Variants in PCDHGB2 observed in about 807,000 individuals in gnomAD.
PCDHGB2 encodes protocadherin gamma subfamily B, 2.
PCDHGB2 carries 55 observed loss-of-function variants against 59.3 expected under a neutral mutation model. The observed-to-expected ratio is 0.93, with a 90% CI of 0.75 to 1.16. The LOEUF is 1.16. PCDHGB2 is among the 50% of genes most tolerant of loss of function. The pLI is 0.00. For missense variants in PCDHGB2, 1,228 were observed against 1,198.5 expected, an observed-to-expected ratio of 1.02 and a Z score of -0.36; for synonymous variants, 516 against 512.0, an observed-to-expected ratio of 1.01 and a Z score of -0.11.
chr5:141,463,500 G>A (rs866521006), intron 1 of PCDHGB2, among the ~76,000 whole-genome samples: 30 of 139,838 alleles, frequency 2.1e-4, no homozygotes, highest in African/African-American at 7.0e-4. Context: ...CCAGGCTGGA[G>A]TGACGTGGCG....
At chr5:141,475,988 A>C (rs1197163866) in intron 1 of PCDHGB2, 29 of 1,114,786 alleles carry the variant, frequency 2.6e-5, no homozygotes, top group Non-Finnish European at 3.2e-5. Context: ...GCCGGCGAGC[A>C]AATCAACGGC....
At position 141,362,518 on chromosome 5, in the gene PCDHGB2, G is replaced by A. The variant is rs914330317; in HGVS notation, c.2383G>A (p.Ala795Thr). 3.7e-6 allele frequency: 6 copies of A among 1,613,886 alleles called. No individual in the cohort carries two copies. In the East Asian group the frequency reaches 1.1e-4, roughly 30 times the overall value. ...ASWEQNTNHG[A>T]AGVPFASDTI... ...TTGGGAACAAAATACAAATCATGGAGCCGCTGGGGTCCCTTTTGCCTCAGA... is the reference window on the plus strand; with the variant it reads ...TTGGGAACAAAATACAAATCATGGAACCGCTGGGGTCCCTTTTGCCTCAGA... The change falls in exon 1 of 4, where the codon GCC becomes ACC. Residue 795 changes from alanine to threonine, a missense_variant. By Grantham distance (58) the Ala-to-Thr change is moderately conservative (BLOSUM62 0). This residue lies in a region of PCDHGB2 where 433 missense variants were observed against 441.8 expected (regional missense o/e 0.98). Transcript: ENST00000522605.
chr5:141,427,764 T>C (rs1239199764), intron 1 of PCDHGB2: 4 of 1,383,480 alleles, frequency 2.9e-6, no homozygotes, highest in Non-Finnish European at 4.1e-6. Context: ...TACCACTGAC[T>C]TGGAGCTGCG....
chr5:141,503,367 C>T (rs1038565489), intron 2 of PCDHGB2, among the ~76,000 whole-genome samples: 5 of 151,908 alleles, frequency 3.3e-5, no homozygotes, highest in African/African-American at 9.7e-5. Flanking sequence ...GAAGCGGAGG[C>T]AGGTGGATCA....
intron 1 of PCDHGB2, chr5:141,442,020 A>G (rs1461958612): frequency 4.6e-6 from 1 of 219,170 alleles, no homozygotes; most frequent in South Asian, 5.2e-5. Context: ...GATGGGCCAC[A>G]GGAAAGCGAC....
intron 1 of PCDHGB2, chr5:141,384,161 C>T (rs1476096646): frequency 1.2e-6 from 2 of 1,613,520 alleles, no homozygotes; most frequent in Non-Finnish European, 1.7e-6. Flanking sequence ...TATAACATCA[C>T]ACTGAAAGCC....
In PCDHGB2 at chr5:141,403,922, G is replaced by A. The variant is rs770450211; in HGVS notation, c.2421+41366G>A. ...TGAAATGGAAATACAAGCTGAAGAT[G>A]GTGGGGGATTGAAAGGGTGGACAAA... On this transcript the variant is annotated intron_variant, in intron 1 of 3. Transcript: ENST00000522605. 6.2e-6 allele frequency: 10 copies of A among 1,613,904 alleles called. No individual in the cohort carries two copies. The East Asian group carries it at 2.2e-4, about 36-fold the overall frequency.
rs1210809217 is a variant in PCDHGB2 at position 141,432,990 on chromosome 5, A to G, written c.2422-61817A>G. The G allele has an allele frequency of 6.2e-7, 1 of 1,614,152 alleles. No individual in the cohort carries two copies. The highest frequency in any genetic ancestry group is 1.7e-5 in the Admixed American group (1 of 60,022). ...CCGGCGTCGCACTTTGTGGGCGTGGACGGGGTGCAGGCTTTCCTGCAGACC... is the reference window on the plus strand; with the variant it reads ...CCGGCGTCGCACTTTGTGGGCGTGGGCGGGGTGCAGGCTTTCCTGCAGACC... On this transcript the variant is annotated intron_variant, in intron 1 of 3. Transcript: ENST00000522605. This position sits in a 1 kb window ranked among gnomAD's most constrained non-coding sequence, Gnocchi z 6.0.
chr5:141,424,036 C>A, intron 1 of PCDHGB2: 1 of 1,029,606 alleles, frequency 9.7e-7, no homozygotes, highest in Non-Finnish European at 1.2e-6. Context: ...CTTTTTATTT[C>A]CATTTCAATT....
chr5:141,472,980 C>CAAAAAAAAAAAAAAAAAAGAAAAAAAA (rs60579131), intron 1 of PCDHGB2, among the ~76,000 whole-genome samples: 1 of 86,106 alleles, frequency 1.2e-5, no homozygotes, highest in Non-Finnish European at 2.5e-5. Flanking sequence ...GAGTGAAACT[C>CAAAAAAAAAAAAAAAAAAGAAAAAAAA]AAAAAAAAAA....
chr5:141,392,779 T>C (rs757880986), intron 1 of PCDHGB2: 1 of 1,534,720 alleles, frequency 6.5e-7, no homozygotes, highest in African/African-American at 1.4e-5. Context: ...TTATGCACAG[T>C]GAAGATTCTG....
rs759346998 is a variant in PCDHGB2, at chr5:141,410,849, C to CTTTTTTTTTTTTTTTTTTTTTTTTTTTTT, written c.2421+48315_2421+48316insTTTTTTTTTTTTTTTTTTTTTTTTTTTTT. 5.4e-5 allele frequency: 7 copies of CTTTTTTTTTTTTTTTTTTTTTTTTTTTTT among 129,786 alleles called. 2 individuals carry two copies. The highest frequency in any genetic ancestry group is 3.0e-4 in the African/African-American group (5 of 16,598). 8.0% of individuals were successfully genotyped at this position (129,786 alleles called of 1,614,324 possible). A position where few individuals can be genotyped will look rare whatever the true frequency, so the allele number is the denominator to read the frequency against. ...CAGACTGAAGATATTTTGTCTTTGT[C>CTTTTTTTTTTTTTTTTTTTTTTTTTTTTT]TTTTTTTTTTTTTTTTTTTTTTGAG... On this transcript the variant is annotated intron_variant, in intron 1 of 3. Transcript: ENST00000522605.
At chr5:141,384,599 T>A (rs772846090) in intron 1 of PCDHGB2, 4 of 1,614,132 alleles carry the variant, frequency 2.5e-6, no homozygotes, top group Non-Finnish European at 2.5e-6. Flanking sequence ...TACCCGGCCC[T>A]CCCCACAGAT....
chr5:141,479,328 G>A (rs568506786), intron 1 of PCDHGB2: 1 of 152,654 alleles, frequency 6.6e-6, no homozygotes, highest in East Asian at 1.9e-4. Flanking sequence ...CAGACTCAGT[G>A]GTGTGCACCT....
At chr5:141,478,396 G>GT in intron 1 of PCDHGB2, 1 of 1,613,564 alleles carries the variant, frequency 6.2e-7, no homozygotes, top group Non-Finnish European at 8.5e-7. Flanking sequence ...ACCATCAGGT[G>GT]TATCTCACCA....
intron 1 of PCDHGB2, chr5:141,413,180 C>T: frequency 6.2e-7 from 1 of 1,602,612 alleles, no homozygotes; most frequent in Non-Finnish European, 8.5e-7. Flanking sequence ...ACTACAATGG[C>T]CGCTCAAAGG....
In PCDHGB2 at chr5:141,511,925, G is replaced by C. The variant is rs2099884008; in HGVS notation, c.*752G>C. 1 of 155,320 alleles carries C rather than the reference G, an allele frequency of 6.4e-6. No homozygotes were observed. Among genetic ancestry groups the C allele is most frequent in the Admixed American group, 6.3e-5 (1 of 15,924 alleles). 9.6% of individuals were successfully genotyped at this position (155,320 alleles called of 1,614,324 possible). A position where few individuals can be genotyped will look rare whatever the true frequency, so the allele number is the denominator to read the frequency against. ...CCTCAAACAAGAGACTCCACTGCAT[G>C]TTCCAAGACAGTATGGGGTGGTAAG... On this transcript the variant is annotated 3_prime_UTR_variant, in exon 4 of 4. Coordinates refer to ENST00000522605, the MANE Select transcript of PCDHGB2 (RefSeq NM_018923.3).
chr5:141,400,566 A>G (rs754437274), intron 1 of PCDHGB2: 94 of 1,612,572 alleles, frequency 5.8e-5, no homozygotes, highest in Non-Finnish European at 7.7e-5. Flanking sequence ...TACCCACCCA[A>G]TTTTCTGTAT....
At chr5:141,370,572 GA>G in intron 1 of PCDHGB2, 9 of 1,613,960 alleles carry the variant, frequency 5.6e-6, no homozygotes, top group Non-Finnish European at 7.6e-6. Context: ...TGGCGTGGGG[GA>G]TTTACCTACT....
Sources: allele counts gnomAD v4.1 joint callset (sites outside exome capture counted in the v4.1 genomes callset), GRCh38; gene constraint gnomAD v4.1.1; regional missense constraint gnomAD v4.1.1; non-coding constraint Gnocchi (gnomAD v3.1); transcripts MANE v1.5; gene names NCBI Gene and HGNC (gene_info 2026-07-23, HGNC 2026-07-21).